TESK2: variants seen among roughly 807,000 people sequenced by gnomAD.
TESK2 encodes the protein testis associated actin remodelling kinase 2.
TESK2 carries 39 observed loss-of-function variants against 57.1 expected under a neutral mutation model. The observed-to-expected ratio is 0.68, with a 90% CI of 0.53 to 0.89. The LOEUF is 0.89. Ranked by LOEUF, TESK2 falls within the 40% of genes least tolerant of loss-of-function variation. TESK2 has a pLI of 0.00. For synonymous variants in TESK2, 249 were observed against 267.9 expected, an observed-to-expected ratio of 0.93 and a Z score of 0.69; for missense variants, 646 against 732.1, an observed-to-expected ratio of 0.88 and a Z score of 1.36.
At chr1:45,430,889 T>G (rs940237062) in intron 2 of TESK2, among the ~76,000 whole-genome samples, 4 of 152,164 alleles carry the variant, frequency 2.6e-5, no homozygotes, top group African/African-American at 4.8e-5. Context: ...CGTAAAGAGC[T>G]ACAGTTTTAT....
At chr1:45,457,513 G>A in intron 2 of TESK2, 51 bp downstream of exon 2, 1 of 1,552,360 alleles carries the variant, frequency 6.4e-7, no homozygotes, top group Non-Finnish European at 8.9e-7. Flanking sequence ...TCAACCTGCA[G>A]TAAATGTGAC....
At position 45,347,054 on chromosome 1, in the gene TESK2, C is replaced by A. The variant is rs1013467971; in HGVS notation, c.717G>T (p.Val239=). 6.2e-7 allele frequency: 1 copy of A among 1,614,090 alleles called. No homozygotes were observed. Among genetic ancestry groups the A allele is most frequent in the Non-Finnish European group, 8.5e-7 (1 of 1,180,044 alleles). ...RDEPYNEKAD[V]FSYGIILCEI... is the part of the protein sequence containing the mutation. ...CGCAGAGGATGATACCATAAGAGAA[C>A]ACATCTGCCTGGTGGGTAGTCGGAC... Residue 239 remains valine, a synonymous_variant, in exon 8 of 11, where the codon GTG becomes GTT. Transcript: ENST00000372086.
chr1:45,386,643 C>T (rs1380866824), intron 3 of TESK2, among the ~76,000 whole-genome samples: 1 of 151,740 alleles, frequency 6.6e-6, no homozygotes, highest in African/African-American at 2.4e-5. Context: ...GTACACTGTA[C>T]CCCATATGTG....
At chr1:45,475,705 G>T (rs1443842928) in intron 1 of TESK2, among the ~76,000 whole-genome samples, 1 of 152,166 alleles carries the variant, frequency 6.6e-6, no homozygotes, top group African/African-American at 2.4e-5. Flanking sequence ...TAACATTTGA[G>T]TCAGTGGAGT....
At chr1:45,471,135 G>C (rs1285226871) in intron 1 of TESK2, among the ~76,000 whole-genome samples, 2 of 152,010 alleles carry the variant, frequency 1.3e-5, no homozygotes, top group Non-Finnish European at 2.9e-5. Context: ...GGAGGCTGAG[G>C]CAGAAGAATC....
intron 1 of TESK2, among the ~76,000 whole-genome samples, chr1:45,459,582 C>T (rs1029108915): frequency 3.3e-5 from 5 of 152,194 alleles, no homozygotes; most frequent in Non-Finnish European, 5.9e-5. Context: ...TAGCTCATAC[C>T]TATAATCCTA....
intron 2 of TESK2, among the ~76,000 whole-genome samples, chr1:45,432,236 TA>T (rs1404560310): frequency 6.6e-6 from 1 of 151,962 alleles, no homozygotes. Flanking sequence ...TGGTCCCAGC[TA>T]CTTAGGAAGT....
chr1:45,467,349 G>T (rs1199978994), intron 1 of TESK2, among the ~76,000 whole-genome samples: 3 of 151,550 alleles, frequency 2.0e-5, no homozygotes, highest in South Asian at 4.2e-4. Flanking sequence ...TAACAGGTTT[G>T]TTGTTTTTTT....
At position 45,486,947 on chromosome 1, in the gene TESK2, C is replaced by T. The variant is rs542322567; in HGVS notation, c.-87+3905G>A. ...AAGCGATTCTCCTGCCTCAGCCTCC[C>T]AAGTAGCTGGGATTACATGCATGCA... On this transcript the variant is annotated intron_variant, in intron 1 of 10. Transcript: ENST00000372086. 5.5e-4 allele frequency among the ~76,000 whole-genome samples: 84 copies of T among 151,794 alleles called. No individual in the cohort carries two copies. In the East Asian group the frequency reaches 0.013, roughly 24 times the overall value.
At chr1:45,475,689 G>A (rs1652961848) in intron 1 of TESK2, among the ~76,000 whole-genome samples, 2 of 152,144 alleles carry the variant, frequency 1.3e-5, no homozygotes, top group Admixed American at 1.3e-4. Context: ...TGCGGCCAAG[G>A]GAGATTAACA....
At chr1:45,347,540 TAGTG>T in intron 7 of TESK2, 65 bp downstream of exon 7, 1 of 1,440,502 alleles carries the variant, frequency 6.9e-7, no homozygotes, top group Non-Finnish European at 9.7e-7. Context: ...CTGAGCAACA[TAGTG>T]AGACCATCTC....
chr1:45,460,635 C>A (rs1178000182), intron 1 of TESK2, among the ~76,000 whole-genome samples: 1 of 152,046 alleles, frequency 6.6e-6, no homozygotes, highest in East Asian at 1.9e-4. Flanking sequence ...CTCACTGCAG[C>A]CTCAAACTCC....
At chr1:45,414,011 C>G in intron 3 of TESK2, 1 of 343,786 alleles carries the variant, frequency 2.9e-6, no homozygotes. Context: ...AATACAAATT[C>G]TAAGAACCTT....
At chr1:45,423,769 G>A (rs1016475627) in intron 2 of TESK2, among the ~76,000 whole-genome samples, 4 of 151,920 alleles carry the variant, frequency 2.6e-5, no homozygotes, top group African/African-American at 4.8e-5. Context: ...AAAAGTATTC[G>A]CCCTCTATAG....
intron 1 of TESK2, among the ~76,000 whole-genome samples, chr1:45,489,984 T>C (rs954432181): frequency 6.6e-6 from 1 of 152,132 alleles, no homozygotes; most frequent in Non-Finnish European, 1.5e-5. Context: ...GTCAGAAACT[T>C]TCTACTATTC....
Position 45,344,001 on chromosome 1 carries a change from C to T in TESK2, c.*839G>A, listed in dbSNP as rs184700763. On this transcript the variant is annotated 3_prime_UTR_variant, in exon 11 of 11. Coordinates refer to ENST00000372086, the MANE Select transcript of TESK2 (RefSeq NM_007170.3). The stretch of plus-strand genomic sequence containing the variant: ...TGACCAGCTTCATCTTTGGTTATTT[C>T]TTATTGCAGCTCTGTAAGGACAGAC... The T allele has an allele frequency of 6.0e-6, 2 of 333,658 alleles. No homozygotes were observed. Among genetic ancestry groups the T allele is most frequent in the Admixed American group, 9.0e-5 (2 of 22,342 alleles). The allele number at this position is 333,658 out of a possible 1,614,324, so 20.7% of individuals were successfully genotyped here. A position where few individuals can be genotyped will look rare whatever the true frequency, so the allele number is the denominator to read the frequency against.
At chr1:45,356,286 A>G (rs549801212) in intron 4 of TESK2, among the ~76,000 whole-genome samples, 63 of 152,158 alleles carry the variant, frequency 4.1e-4, no homozygotes, top group Non-Finnish European at 7.6e-4. Context: ...ATTTTTAAAT[A>G]CCCAGAGAGC....
chr1:45,421,481 A>G (rs1290802449), intron 3 of TESK2, among the ~76,000 whole-genome samples: 1 of 152,206 alleles, frequency 6.6e-6, no homozygotes, highest in Non-Finnish European at 1.5e-5. Flanking sequence ...ATGAGCTGCT[A>G]CTAATGTTCT....
At chr1:45,385,247 G>A in intron 4 of TESK2, 5 of 735,920 alleles carry the variant, frequency 6.8e-6, no homozygotes, top group Non-Finnish European at 8.3e-6. Flanking sequence ...AGGAATCTGT[G>A]TTTCCAAGGA....
Sources: gnomAD v4.1 joint callset for allele counts (sites outside exome capture counted in the v4.1 genomes callset) on GRCh38, gnomAD v4.1.1 for gene constraint, MANE v1.5 for transcripts, NCBI Gene and HGNC (gene_info 2026-07-23, HGNC 2026-07-21) for gene names.